Variants in ZNF626 observed in about 807,000 individuals in gnomAD.
ZNF626 encodes CTC-513N18.7.
In ZNF626, 4 loss-of-function variants were observed where a neutral mutation model predicts 11.7. The observed-to-expected ratio is 0.34, with a 90% CI of 0.17 to 0.78. The LOEUF (loss-of-function observed/expected upper bound fraction) is 0.78. Among genes scored for constraint, ZNF626 ranks in the 30% least tolerant of loss-of-function variants. The probability of loss-of-function intolerance (pLI) is 0.57; values close to 1 mark genes in which losing one functional copy is unlikely to be tolerated. For synonymous variants in ZNF626, 179 were observed against 198.6 expected (o/e 0.90, Z 0.83); for missense variants, 588 against 587.1 (o/e 1.00, Z -0.01).
rs1970067541 is a variant in ZNF626, at chr19:20,645,581, T to A, written c.226+103A>T. The A allele has an allele frequency of 5.1e-6, 8 of 1,555,704 alleles. No individual in the cohort carries two copies. In the South Asian group the frequency reaches 9.7e-5, roughly 19 times the overall value. On this transcript the variant is annotated intron_variant, in intron 3 of 3. Coordinates refer to ENST00000601440, the MANE Select transcript of ZNF626 (RefSeq NM_001076675.3). ...ATAGCTGCCCAAGAACTATTTCCTT[T>A]GGAACACAGCTCCCCAAATCACACT...
chr19:20,631,856 G>A (rs1176511641), intron 3 of ZNF626, among the ~76,000 whole-genome samples: 48 of 151,888 alleles, frequency 3.2e-4, no homozygotes, highest in African/African-American at 1.1e-3. Flanking sequence ...TATTTTGCTC[G>A]TTAGTTCATG....
intron 3 of ZNF626, among the ~76,000 whole-genome samples, chr19:20,636,355 AT>A (rs1426115296): frequency 5.9e-5 from 9 of 152,100 alleles, no homozygotes; most frequent in Non-Finnish European, 1.2e-4. Flanking sequence ...AAACTAAAAA[AT>A]ATATTGTTAT....
intron 1 of ZNF626, among the ~76,000 whole-genome samples, chr19:20,655,264 G>A (rs1970192889): frequency 6.6e-6 from 1 of 152,224 alleles, no homozygotes; most frequent in Admixed American, 6.5e-5. Context: ...TGCTTTCGCA[G>A]TATAAGTACT....
intron 3 of ZNF626, among the ~76,000 whole-genome samples, chr19:20,641,782 T>A (rs1332194496): frequency 1.3e-5 from 2 of 152,034 alleles, no homozygotes; most frequent in African/African-American, 4.8e-5. Flanking sequence ...CTCAAACTTC[T>A]GGGCTCCAGG....
In ZNF626 at chr19:20,624,131, G is replaced by GT. The variant is rs1969789650; in HGVS notation, c.*158dup. 1.7e-6 allele frequency: 2 copies of GT among 1,195,716 alleles called. No homozygotes were observed. The highest frequency in any genetic ancestry group is 2.4e-5 in the South Asian group (2 of 82,236). The allele number at this position is 1,195,716 out of a possible 1,614,324, so 74.1% of individuals were successfully genotyped here. A position where few individuals can be genotyped will look rare whatever the true frequency, so the allele number is the denominator to read the frequency against. On this transcript the variant is annotated 3_prime_UTR_variant, in exon 4 of 4. Transcript: ENST00000601440. ...TTCTCTCCAGTATGAAATCTCTTAT[G>GT]TGTAGTAAGTTTAGAGGAGTGCTTA...
chr19:20,660,292 AGCCT>A lies in ZNF626; in HGVS notation c.3+1148_3+1151del, dbSNP rs1970251198. Among the ~76,000 whole-genome samples, 10 of 149,538 alleles carry A rather than the reference AGCCT, an allele frequency of 6.7e-5. No homozygotes were observed. The South Asian group carries it at 2.1e-3, about 32-fold the overall frequency. Reference sequence around the variant, plus strand: ...AATACCCTGTTGCAGGCTTAATATTAGCCTTAGCTTGGAGTCACTAGGTTCAAGC... The same window carrying A: ...AATACCCTGTTGCAGGCTTAATATTATAGCTTGGAGTCACTAGGTTCAAGC... On this transcript the variant is annotated intron_variant, in intron 1 of 3. Transcript: ENST00000601440.
chr19:20,629,483 G>GA (rs1333347604), intron 3 of ZNF626, among the ~76,000 whole-genome samples: 2 of 152,106 alleles, frequency 1.3e-5, no homozygotes, highest in African/African-American at 2.4e-5. Flanking sequence ...AGTCCTCCTT[G>GA]AAGAGGTCCT....
chr19:20,646,879 C>G (rs1970085419), intron 1 of ZNF626, among the ~76,000 whole-genome samples: 1 of 151,652 alleles, frequency 6.6e-6, no homozygotes, highest in Non-Finnish European at 1.5e-5. Flanking sequence ...TGGAGTTTCG[C>G]TCTTGTTGCC....
intron 3 of ZNF626, among the ~76,000 whole-genome samples, chr19:20,639,954 A>G (rs1216885383): frequency 1.3e-5 from 2 of 152,150 alleles, no homozygotes; most frequent in African/African-American, 4.8e-5. Context: ...TACAGAACAT[A>G]AACAATGTGA....
At chr19:20,660,285 TA>T (rs1466231017) in intron 1 of ZNF626, among the ~76,000 whole-genome samples, 1 of 150,564 alleles carries the variant, frequency 6.6e-6, no homozygotes, top group Non-Finnish European at 1.5e-5. Flanking sequence ...GTTGCAGGCT[TA>T]ATATTAGCCT....
chr19:20,641,851 C>T (rs1970027654), intron 3 of ZNF626, among the ~76,000 whole-genome samples: 2 of 151,624 alleles, frequency 1.3e-5, no homozygotes, highest in African/African-American at 4.8e-5. Flanking sequence ...CACAACCATG[C>T]CTGGCCCTGA....
chr19:20,645,702 T>A lies in ZNF626; in HGVS notation c.208A>T (p.Met70Leu). The change falls in exon 3 of 4, where the codon ATG becomes TTG. Residue 70 changes from methionine to leucine, a missense_variant. Around this residue, in one of 4 missense-constraint regions of ZNF626, gnomAD observed 524 missense variants for 470.1 expected, o/e 1.11. Coordinates refer to ENST00000601440, the MANE Select transcript of ZNF626 (RefSeq NM_001076675.3). ...CACCTACCTGAGGGTTTGGCTATCA[T>A]CTCATTTCTCTTCATGGTCAAAGGT... Reference protein sequence around the residue: ...RKPLTMKRNEMIAKPSVMCSH... With the variant: ...RKPLTMKRNELIAKPSVMCSH... 6.2e-7 allele frequency: 1 copy of A among 1,612,004 alleles called. No individual in the cohort carries two copies. Among genetic ancestry groups the A allele is most frequent in the Non-Finnish European group, 8.5e-7 (1 of 1,179,588 alleles).
At chr19:20,637,039 G>T (rs10412797) in intron 3 of ZNF626, among the ~76,000 whole-genome samples, 1 of 121,610 alleles carries the variant, frequency 8.2e-6, no homozygotes, top group Non-Finnish European at 1.7e-5. Context: ...AAAAAAAAAA[G>T]GCCCAGTGCA....
At chr19:20,642,497 G>A (rs1378207915) in intron 3 of ZNF626, among the ~76,000 whole-genome samples, 1 of 152,122 alleles carries the variant, frequency 6.6e-6, no homozygotes, top group Admixed American at 6.6e-5. Context: ...TCCGGAGGCT[G>A]AGGCAGAAGA....
intron 3 of ZNF626, among the ~76,000 whole-genome samples, chr19:20,634,602 C>T (rs933010633): frequency 9.3e-5 from 14 of 151,176 alleles, no homozygotes; most frequent in Non-Finnish European, 1.5e-4. Context: ...CCTGTAATCC[C>T]AGCACTTTGG....
intron 3 of ZNF626, among the ~76,000 whole-genome samples, chr19:20,637,484 C>CAAA (rs35325493): frequency 0.19 from 22,902 of 121,520 alleles, 2,339 homozygotes; most frequent in African/African-American, 0.29. Flanking sequence ...CACTCTGTCT[C>CAAA]AAAAAAAAAA....
At position 20,621,715 on chromosome 19, in the gene ZNF626, T is replaced by C. The variant is rs1167669674; in HGVS notation, c.*2575A>G. On this transcript the variant is annotated 3_prime_UTR_variant, in exon 4 of 4. Transcript: ENST00000601440. The stretch of plus-strand genomic sequence containing the variant: ...TTAAAAATTTAACTAACGGGAACAA[T>C]ATTCTTCATTTGCAGTTTACTGGCA... The C allele has an allele frequency of 1.3e-5, 2 of 152,194 alleles. No homozygotes were observed. Among genetic ancestry groups the C allele is most frequent in the East Asian group, 1.9e-4 (1 of 5,198 alleles). The allele number at this position is 152,194 out of a possible 1,614,324, so 9.4% of individuals were successfully genotyped here. A position where few individuals can be genotyped will look rare whatever the true frequency, so the allele number is the denominator to read the frequency against.
In ZNF626 at chr19:20,624,750, T is replaced by C. The variant is rs1969802746; in HGVS notation, c.1127A>G (p.Lys376Arg). The C allele has an allele frequency of 6.2e-7, 1 of 1,613,310 alleles. No homozygotes were observed. The highest frequency in any genetic ancestry group is 1.1e-5 in the South Asian group (1 of 91,068). ...EKPYKCEECG[K>R]AFKRSSDLTT... ...AAGGTCTGAAGACCGCTTGAAGGCTTTGCCACATTCTTCACATTTGTAGGG... is the reference window on the plus strand; with the variant it reads ...AAGGTCTGAAGACCGCTTGAAGGCTCTGCCACATTCTTCACATTTGTAGGG... Residue 376 changes from lysine to arginine, a missense_variant, in exon 4 of 4, where the codon AAA becomes AGA. By Grantham distance (26) the Lys-to-Arg change is conservative (BLOSUM62 2). Coordinates refer to ENST00000601440, the MANE Select transcript of ZNF626 (RefSeq NM_001076675.3).
chr19:20,623,962 T>A lies in ZNF626; in HGVS notation c.*328A>T. Reference sequence around the variant, plus strand: ...TGTAGAGTTTATATTTCATATCAATTCTTAGTTAGAAATTGAGGGCTGGTT... The same window carrying A: ...TGTAGAGTTTATATTTCATATCAATACTTAGTTAGAAATTGAGGGCTGGTT... On this transcript the variant is annotated 3_prime_UTR_variant, in exon 4 of 4. Coordinates refer to ENST00000601440, the MANE Select transcript of ZNF626 (RefSeq NM_001076675.3). 2.7e-6 allele frequency: 1 copy of A among 367,344 alleles called. No homozygotes were observed. Among genetic ancestry groups the A allele is most frequent in the Non-Finnish European group, 5.0e-6 (1 of 199,562 alleles). The allele number at this position is 367,344 out of a possible 1,614,324, so 22.8% of individuals were successfully genotyped here.
Sources: gnomAD v4.1 joint callset for allele counts (sites outside exome capture counted in the v4.1 genomes callset) on GRCh38, gnomAD v4.1.1 for gene constraint, gnomAD v4.1.1 regional missense constraint, MANE v1.5 for transcripts, NCBI Gene and HGNC (gene_info 2026-07-23, HGNC 2026-07-21) for gene names.